The following DCAF5 variants were observed in gnomAD, a reference collection of about 807,000 sequenced individuals.
DCAF5 encodes the protein DDB1- and CUL4-associated factor 5.
Under a neutral mutation model 80.7 loss-of-function variants are expected in DCAF5, and 9 were observed. That is an observed-to-expected ratio of 0.11 (90% CI 0.07 to 0.19). The LOEUF is 0.19. Among genes scored for constraint, DCAF5 ranks in the 10% least tolerant of loss-of-function variants. DCAF5 has a pLI of 1.00. For synonymous variants in DCAF5, 433 were observed against 461.9 expected (o/e 0.94, Z 0.80); for missense variants, 842 against 1,205.7 (o/e 0.70, Z 4.47).
chr14:69,096,489 A>G (rs919709010), intron 5 of DCAF5, among the ~76,000 whole-genome samples: 1 of 152,192 alleles, frequency 6.6e-6, no homozygotes, highest in Non-Finnish European at 1.5e-5. Context: ...TCTGTAAAGA[A>G]ATCTTTATAT....
chr14:69,065,263 AT>A (rs1453085773), intron 7 of DCAF5, among the ~76,000 whole-genome samples: 1 of 151,794 alleles, frequency 6.6e-6, no homozygotes, highest in Non-Finnish European at 1.5e-5. Flanking sequence ...TGCCCAGCTA[AT>A]TTTTGTATTT....
At chr14:69,075,795 A>G (rs907863333) in intron 6 of DCAF5, among the ~76,000 whole-genome samples, 1 of 152,122 alleles carries the variant, frequency 6.6e-6, no homozygotes, top group Non-Finnish European at 1.5e-5. Flanking sequence ...AAACATACTG[A>G]TTTTTAATAT....
chr14:69,122,305 C>T lies in DCAF5; in HGVS notation c.270G>A (p.Arg90=), dbSNP rs375726550. ...LWHMEQAIHS[R]VKPIQLKGEH... is the part of the protein sequence containing the mutation. Reference sequence around the variant, plus strand: ...CTCCTTTCAGCTGTATGGGCTTGACCCTGGAGTGGATGGCTTGTTCCATGT... The same window carrying T: ...CTCCTTTCAGCTGTATGGGCTTGACTCTGGAGTGGATGGCTTGTTCCATGT... The change falls in exon 2 of 9, where the codon AGG becomes AGA. Residue 90 remains arginine (R), a synonymous_variant. Transcript: ENST00000341516. 9.9e-6 allele frequency: 16 copies of T among 1,613,718 alleles called. No homozygotes were observed. The highest frequency in any genetic ancestry group is 1.4e-5 in the Non-Finnish European group (16 of 1,179,828).
At chr14:69,058,813 G>A (rs1225072534) in intron 8 of DCAF5, among the ~76,000 whole-genome samples, 7 of 150,696 alleles carry the variant, frequency 4.6e-5, no homozygotes, top group Non-Finnish European at 3.0e-5. Flanking sequence ...GGTTGAGGCT[G>A]CAGTGAGCCA....
chr14:69,080,531 A>G (rs759906874), intron 6 of DCAF5, among the ~76,000 whole-genome samples: 2 of 152,232 alleles, frequency 1.3e-5, no homozygotes, highest in Non-Finnish European at 2.9e-5. Flanking sequence ...AATTGGAGGC[A>G]CAGGTTTTTC....
At chr14:69,136,000 T>C (rs1346441631) in intron 1 of DCAF5, among the ~76,000 whole-genome samples, 1 of 152,174 alleles carries the variant, frequency 6.6e-6, no homozygotes, top group East Asian at 1.9e-4. Flanking sequence ...TATTCTACAT[T>C]GCAACTAATC....
intron 5 of DCAF5, among the ~76,000 whole-genome samples, chr14:69,111,395 A>G (rs890498152): frequency 8.5e-5 from 13 of 152,174 alleles, no homozygotes; most frequent in African/African-American, 3.1e-4. Flanking sequence ...GTCTTATAAG[A>G]TAAGTCTTTA....
At chr14:69,092,813 G>C (rs76640185) in intron 5 of DCAF5, among the ~76,000 whole-genome samples, 6,439 of 152,174 alleles carry the variant, frequency 0.042, 170 homozygotes, top group African/African-American at 0.076. Flanking sequence ...AAAATGACTT[G>C]TTTTCCTTTA....
intron 5 of DCAF5, 110 bp downstream of exon 5, chr14:69,116,256 C>T: frequency 7.6e-7 from 1 of 1,315,896 alleles, no homozygotes; most frequent in South Asian, 1.5e-5. Context: ...TAAGAAATGC[C>T]CAGCAGAGAT....
Position 69,055,328 on chromosome 14 carries a change from C to T in DCAF5, c.1358G>A (p.Arg453His), listed in dbSNP as rs758393709. ...ILQLHAGVSE[R>H]SGYTDSESSA... Reference sequence around the variant, plus strand: ...AGACTCTGAGTCAGTGTAGCCTGAGCGCTCGCTGACCCCAGCGTGCAGTTG... The same window carrying T: ...AGACTCTGAGTCAGTGTAGCCTGAGTGCTCGCTGACCCCAGCGTGCAGTTG... Residue 453 changes from arginine to histidine, a missense_variant, in exon 9 of 9, where the codon CGC becomes CAC. Around this residue, in one of 5 missense-constraint regions of DCAF5, gnomAD observed 607 missense variants for 656.6 expected, o/e 0.92. Coordinates refer to ENST00000341516, the MANE Select transcript of DCAF5 (RefSeq NM_003861.3). This position sits in a 1 kb window ranked among gnomAD's most constrained non-coding sequence, Gnocchi z 5.6. 30 of 1,614,120 alleles carry T rather than the reference C, an allele frequency of 1.9e-5. No individual in the cohort carries two copies. The highest frequency in any genetic ancestry group is 8.9e-5 in the East Asian group (4 of 44,876).
intron 5 of DCAF5, among the ~76,000 whole-genome samples, chr14:69,110,669 A>C (rs894612251): frequency 6.6e-6 from 1 of 152,086 alleles, no homozygotes; most frequent in Non-Finnish European, 1.5e-5. Context: ...TGCACCCAGG[A>C]GATCGAGACC....
At chr14:69,101,887 A>T (rs573791526) in intron 5 of DCAF5, among the ~76,000 whole-genome samples, 29 of 152,242 alleles carry the variant, frequency 1.9e-4, no homozygotes, top group Non-Finnish European at 2.8e-4. Context: ...TAAAAGATTT[A>T]AAAAAATGGT....
chr14:69,144,866 A>G (rs1167707126), intron 1 of DCAF5, among the ~76,000 whole-genome samples: 2 of 152,148 alleles, frequency 1.3e-5, no homozygotes, highest in Non-Finnish European at 2.9e-5. Flanking sequence ...ACAGCCAGAG[A>G]CAATGCAGAC....
At chr14:69,087,188 C>T (rs138605377) in intron 6 of DCAF5, among the ~76,000 whole-genome samples, 1 of 152,316 alleles carries the variant, frequency 6.6e-6, no homozygotes, top group African/African-American at 2.4e-5. Flanking sequence ...GAGCCAAGTG[C>T]TGTCTTATAT....
At chr14:69,085,254 C>T in intron 6 of DCAF5, 1 of 713,110 alleles carries the variant, frequency 1.4e-6, no homozygotes, top group Admixed American at 1.9e-5. Context: ...TGAACGTCAA[C>T]AGCAATGAAG....
At chr14:69,112,059 T>C (rs966178856) in intron 5 of DCAF5, among the ~76,000 whole-genome samples, 1 of 152,254 alleles carries the variant, frequency 6.6e-6, no homozygotes, top group African/African-American at 2.4e-5. Context: ...TCAGATCTTT[T>C]GTCTTTTTCA....
intron 1 of DCAF5, among the ~76,000 whole-genome samples, chr14:69,145,439 A>C (rs901793567): frequency 6.6e-6 from 1 of 152,106 alleles, no homozygotes; most frequent in Non-Finnish European, 1.5e-5. Context: ...TTAAATATTC[A>C]CTCAAAGATT....
At chr14:69,077,005 C>T (rs1452496603) in intron 6 of DCAF5, among the ~76,000 whole-genome samples, 3 of 152,168 alleles carry the variant, frequency 2.0e-5, no homozygotes, top group Admixed American at 1.3e-4. Flanking sequence ...TCAAAAAGGA[C>T]ACTGTGCCAG....
At chr14:69,071,048 T>A (rs1240283265) in intron 7 of DCAF5, among the ~76,000 whole-genome samples, 2 of 152,154 alleles carry the variant, frequency 1.3e-5, no homozygotes, top group Admixed American at 6.5e-5. Context: ...TCTGCCCCCC[T>A]CAGCCTCCCA....
Sources: gnomAD v4.1 joint callset for allele counts (sites outside exome capture counted in the v4.1 genomes callset) on GRCh38, gnomAD v4.1.1 for gene constraint, gnomAD v4.1.1 regional missense constraint, Gnocchi (gnomAD v3.1) non-coding constraint, MANE v1.5 for transcripts, NCBI Gene and HGNC (gene_info 2026-07-23, HGNC 2026-07-21) for gene names.